CORO1A: variants seen among roughly 807,000 people sequenced by gnomAD.
The protein encoded by CORO1A is coronin 1A, also known as coronin-1A.
In CORO1A, 17 loss-of-function variants were observed where a neutral mutation model predicts 44.1. The ratio of observed to expected loss-of-function variants is 0.39; its 90% confidence interval spans 0.26 to 0.58. The LOEUF (loss-of-function observed/expected upper bound fraction) is 0.58, where lower values mean the gene tolerates loss of function less well. Ranked by LOEUF, CORO1A falls within the 20% of genes least tolerant of loss-of-function variation. The pLI is 0.62. For missense variants in CORO1A, 415 were observed against 606.5 expected (o/e 0.68, Z 3.32); for synonymous variants, 271 against 244.2 (o/e 1.11, Z -1.02).
In CORO1A at chr16:30,188,523, C is replaced by G. The variant is rs2073375774; in HGVS notation, c.1228C>G (p.Leu410Val). 1 of 1,597,850 alleles carries G rather than the reference C, an allele frequency of 6.3e-7. No homozygotes were observed. Among genetic ancestry groups the G allele is most frequent in the Admixed American group, 1.7e-5 (1 of 59,332 alleles). ...KSRELRVNRG[L>V]DTGRRRAAPE... The stretch of plus-strand genomic sequence containing the variant: ...CCGGGAGCTGAGGGTCAACCGGGGC[C>G]TGGACACCGGGCGCAGGAGGGCAGC... Residue 410 changes from leucine to valine, a missense_variant, in exon 10 of 11, where the codon CTG (leucine) becomes GTG (valine). Physicochemically the swap from Leu to Val is conservative, Grantham distance 32 (BLOSUM62 1). Coordinates refer to ENST00000219150, the MANE Select transcript of CORO1A (RefSeq NM_007074.4).
chr16:30,186,235 C>A, intron 2 of CORO1A: 1 of 359,456 alleles, frequency 2.8e-6, no homozygotes, highest in South Asian at 2.2e-5. Flanking sequence ...CCCCCCAGCC[C>A]CCATACACCT....
In CORO1A at chr16:30,187,143, C is replaced by G; in HGVS notation, c.556C>G (p.Arg186Gly). The G allele has an allele frequency of 6.2e-7, 1 of 1,614,052 alleles. No homozygotes were observed. The highest frequency in any genetic ancestry group is 8.5e-7 in the Non-Finnish European group (1 of 1,180,006). Reference sequence around the variant, plus strand: ...CACGATCTACAGTGTGGACTGGAGCCGAGATGGAGGCCTCATTTGTACCTC... The same window carrying G: ...CACGATCTACAGTGTGGACTGGAGCGGAGATGGAGGCCTCATTTGTACCTC... ...PDTIYSVDWS[R>G]DGGLICTSCR... is the part of the protein sequence containing the mutation. The change falls in exon 5 of 11, where the codon CGA becomes GGA. Residue 186 changes from arginine to glycine, a missense_variant. Transcript: ENST00000219150.
In CORO1A at chr16:30,187,358, C is replaced by T. The variant is rs778267719; in HGVS notation, c.637-24C>T. On this transcript the variant is annotated intron_variant, in intron 5 of 10. Transcript: ENST00000219150. The stretch of plus-strand genomic sequence containing the variant: ...CCGTAGGGTATGTACGGGTGCCTGA[C>T]CTACCACCTCCCTTTCCTTGCAGGA... 2.5e-6 allele frequency: 4 copies of T among 1,609,284 alleles called. No homozygotes were observed. In the East Asian group the frequency reaches 6.7e-5, roughly 27 times the overall value.
chr16:30,184,844 C>G lies in CORO1A; in HGVS notation c.-1-365C>G, dbSNP rs2073315928. ...AGAGAGAACCCACCCTCGGAGCCAT[C>G]TGGGCTGATGACGCCTGAGTCTGAA... On this transcript the variant is annotated intron_variant, in intron 1 of 10. Transcript: ENST00000219150. The surrounding 1 kb of genome is among the most constrained non-coding windows in gnomAD (Gnocchi z 4.3). The G allele has an allele frequency of 5.2e-6, 2 of 383,516 alleles. No homozygotes were observed. The highest frequency in any genetic ancestry group is 9.9e-6 in the Non-Finnish European group (2 of 201,106). The allele number at this position is 383,516 out of a possible 1,614,324, so 23.8% of individuals were successfully genotyped here. A position where few individuals can be genotyped will look rare whatever the true frequency, so the allele number is the denominator to read the frequency against.
At chr16:30,185,015 G>C (rs552624841) in intron 1 of CORO1A, 194 bp from the exon 2 acceptor site, 1 of 651,640 alleles carries the variant, frequency 1.5e-6, no homozygotes, top group African/African-American at 1.8e-5. Flanking sequence ...GGAGAAGGGG[G>C]CTTGCAGGTT....
intron 8 of CORO1A, 44 bp downstream of exon 8, chr16:30,188,131 TGG>T (rs763505699): frequency 5.8e-5 from 93 of 1,613,636 alleles, no homozygotes; most frequent in Non-Finnish European, 7.6e-5. Flanking sequence ...CCTTGGGCAG[TGG>T]GCAGTCCCAA....
In CORO1A at chr16:30,188,465, C is replaced by T; in HGVS notation, c.1170C>T (p.Ile390=). The change falls in exon 10 of 11, where the codon ATC becomes ATT. Residue 390 remains isoleucine (I), a synonymous_variant. Coordinates refer to ENST00000219150, the MANE Select transcript of CORO1A (RefSeq NM_007074.4). Reference sequence around the variant, plus strand: ...GTCGGGATGCTGGGCCCCTCCTCATCTCCCTCAAGGATGGCTACGTACCCC... The same window carrying T: ...GTCGGGATGCTGGGCCCCTCCTCATTTCCCTCAAGGATGGCTACGTACCCC... ...LGGRDAGPLL[I]SLKDGYVPPK... 6.2e-7 allele frequency: 1 copy of T among 1,613,422 alleles called. No homozygotes were observed. The highest frequency in any genetic ancestry group is 8.5e-7 in the Non-Finnish European group (1 of 1,180,008).
chr16:30,186,791 A>G, intron 3 of CORO1A, 25 bp from the exon 4 acceptor site: 2 of 1,609,520 alleles, frequency 1.2e-6, no homozygotes, highest in Non-Finnish European at 1.7e-6. Context: ...GGAGTCCTGA[A>G]GACTCACTGG....
At chr16:30,186,309 C>T (rs994829315) in intron 2 of CORO1A, 1 of 445,534 alleles carries the variant, frequency 2.2e-6, no homozygotes, top group East Asian at 4.6e-5. Flanking sequence ...GGTGGGGGTG[C>T]CAACCCTAAG....
chr16:30,188,474 G>A lies in CORO1A; in HGVS notation c.1179G>A (p.Lys393=). ...CTGGGCCCCTCCTCATCTCCCTCAAGGATGGCTACGTACCCCCAAAGAGCC... is the reference window on the plus strand; with the variant it reads ...CTGGGCCCCTCCTCATCTCCCTCAAAGATGGCTACGTACCCCCAAAGAGCC... ...RDAGPLLISL[K]DGYVPPKSRE... The change falls in exon 10 of 11, where the codon AAG becomes AAA. Residue 393 remains lysine, a synonymous_variant. Transcript: ENST00000219150. 1 of 1,613,356 alleles carries A rather than the reference G, an allele frequency of 6.2e-7. No individual in the cohort carries two copies. The highest frequency in any genetic ancestry group is 8.5e-7 in the Non-Finnish European group (1 of 1,179,992).
chr16:30,188,542 G>C lies in CORO1A; in HGVS notation c.1247G>C (p.Arg416Thr). 6.2e-7 allele frequency: 1 copy of C among 1,611,416 alleles called. No individual in the cohort carries two copies. The highest frequency in any genetic ancestry group is 8.5e-7 in the Non-Finnish European group (1 of 1,179,492). Residue 416 changes from arginine (R) to threonine (T), a missense_variant, in exon 10 of 11, where the codon AGG becomes ACG. Physicochemically the swap from Arg to Thr is moderately conservative, Grantham distance 71. This residue lies in a region of CORO1A where 90 missense variants were observed against 84.7 expected (regional missense o/e 1.06). Coordinates refer to ENST00000219150, the MANE Select transcript of CORO1A (RefSeq NM_007074.4). ...VNRGLDTGRR[R>T]AAPEASGTPS... ...CGGGGCCTGGACACCGGGCGCAGGA[G>C]GGCAGCACCAGAGGCCAGTGGCACT...
chr16:30,186,743 G>A, intron 3 of CORO1A, 23 bp downstream of exon 3: 1 of 1,610,698 alleles, frequency 6.2e-7, no homozygotes, highest in Non-Finnish European at 8.5e-7. Flanking sequence ...GGGGACCCAG[G>A]GGCTGGGAGA....
chr16:30,188,771 A>G, intron 10 of CORO1A, 89 bp from the exon 11 acceptor site: 6 of 537,730 alleles, frequency 1.1e-5, no homozygotes, highest in Non-Finnish European at 1.9e-5. Flanking sequence ...AAAGGGCCCA[A>G]GGCCAGGGCT....
At position 30,186,735 on chromosome 16, in the gene CORO1A, G is replaced by A; in HGVS notation, c.321+15G>A. The A allele has an allele frequency of 6.2e-7, 1 of 1,611,026 alleles. No homozygotes were observed. The highest frequency in any genetic ancestry group is 8.5e-7 in the Non-Finnish European group (1 of 1,179,836). On this transcript the variant is annotated intron_variant, in intron 3 of 10. Coordinates refer to ENST00000219150, the MANE Select transcript of CORO1A (RefSeq NM_007074.4). ...GCACAGTCATGGTGAGTGGTGGTGG[G>A]GACCCAGGGGCTGGGAGAGGGGCTC...
Position 30,185,380 on chromosome 16 carries a change from G to T in CORO1A, c.171G>T (p.Gly57=), listed in dbSNP as rs766295899. ...TGATCTGTGAGGCCAGCGGGGGAGGGGCCTTCCTGGTGCTGCCCCTGGGCA... is the reference window on the plus strand; with the variant it reads ...TGATCTGTGAGGCCAGCGGGGGAGGTGCCTTCCTGGTGCTGCCCCTGGGCA... ...VALICEASGG[G]AFLVLPLGKT... The change falls in exon 2 of 11, where the codon GGG becomes GGT. Residue 57 remains glycine (G), a synonymous_variant. Coordinates refer to ENST00000219150, the MANE Select transcript of CORO1A (RefSeq NM_007074.4). 4.3e-6 allele frequency: 7 copies of T among 1,613,920 alleles called. No homozygotes were observed. The South Asian group carries it at 7.7e-5, about 18-fold the overall frequency.
At position 30,187,771 on chromosome 16, in the gene CORO1A, G is replaced by A; in HGVS notation, c.803G>A (p.Ser268Asn). 6.2e-7 allele frequency: 1 copy of A among 1,612,218 alleles called. No homozygotes were observed. The part of the protein sequence containing the change: ...PLSLQELDTS[S>N]GVLLPFFDPD... ...TCCCTGCAGGAGCTGGACACCAGCA[G>A]CGGTGTCCTGCTGCCCTTCTTTGAC... The change falls in exon 7 of 11, where the codon AGC becomes AAC. Residue 268 changes from serine to asparagine, a missense_variant. Transcript: ENST00000219150.
At chr16:30,187,260 C>T (rs763547078) in intron 5 of CORO1A, 37 bp downstream of exon 5, 1 of 1,606,726 alleles carries the variant, frequency 6.2e-7, no homozygotes, top group Non-Finnish European at 8.5e-7. Flanking sequence ...GACCCTACAG[C>T]CTTTATCCTT....
At chr16:30,186,574 T>C in intron 2 of CORO1A, 24 bp from the exon 3 acceptor site, 1 of 1,611,808 alleles carries the variant, frequency 6.2e-7, no homozygotes, top group South Asian at 1.1e-5. Context: ...CAAAAGCACC[T>C]CCAAGGCCCT....
rs1000675240 is a variant in CORO1A at position 30,185,227 on chromosome 16, C to A, written c.18C>A (p.Val6=). The change falls in exon 2 of 11, where the codon GTC becomes GTA. Residue 6 remains valine, a synonymous_variant. Transcript: ENST00000219150. ...CCCCCAGAATGAGCCGGCAGGTGGT[C>A]CGCTCCAGCAAGTTCCGCCACGTGT... MSRQV[V]RSSKFRHVFG... The A allele has an allele frequency of 1.2e-6, 2 of 1,614,154 alleles. No homozygotes were observed. Among genetic ancestry groups the A allele is most frequent in the Non-Finnish European group, 1.7e-6 (2 of 1,180,006 alleles).
Sources: gnomAD v4.1 joint callset for allele counts on GRCh38, gnomAD v4.1.1 for gene constraint, gnomAD v4.1.1 regional missense constraint, Gnocchi (gnomAD v3.1) non-coding constraint, MANE v1.5 for transcripts, NCBI Gene and HGNC (gene_info 2026-07-23, HGNC 2026-07-21) for gene names.